Variants in CBX5 observed in about 807,000 individuals in gnomAD.
CBX5 encodes the protein chromobox 5, also known as chromobox protein homolog 5.
CBX5 carries 7 observed loss-of-function variants against 20.7 expected under a neutral mutation model. The observed-to-expected ratio is 0.34, with a 90% CI of 0.19 to 0.63. The LOEUF (loss-of-function observed/expected upper bound fraction) is 0.63, where lower values mean the gene tolerates loss of function less well. Ranked by LOEUF, CBX5 falls within the 30% of genes least tolerant of loss-of-function variation. The pLI is 0.75. For synonymous variants in CBX5, 78 were observed against 77.0 expected, an observed-to-expected ratio of 1.01 and a Z score of -0.07; for missense variants, 110 against 224.1, an observed-to-expected ratio of 0.49 and a Z score of 3.25.
rs569844476 is a variant in CBX5, at chr12:54,265,212, C to T, written c.-42-7520G>A. Among the ~76,000 whole-genome samples the T allele has an allele frequency of 2.0e-5, 3 of 152,278 alleles. No homozygotes were observed. In the South Asian group the frequency reaches 6.2e-4, roughly 32 times the overall value. ...AGCTACAGCACTGTCTTCAAAGCAT[C>T]CTCTATATAGCCTTATTGCAGCAAA... is the stretch of plus-strand genomic sequence containing the variant. On this transcript the variant is annotated intron_variant, in intron 1 of 4. Transcript: ENST00000209875.
At chr12:54,246,466 A>C (rs1053033317) in intron 3 of CBX5, among the ~76,000 whole-genome samples, 12 of 152,124 alleles carry the variant, frequency 7.9e-5, no homozygotes, top group African/African-American at 2.7e-4. Flanking sequence ...GGTGAACCCT[A>C]AAAGTCTCTA....
chr12:54,253,457 G>C (rs1464307769), intron 2 of CBX5, among the ~76,000 whole-genome samples: 1 of 152,022 alleles, frequency 6.6e-6, no homozygotes, highest in Non-Finnish European at 1.5e-5. Context: ...TGGGCGCAGT[G>C]ACTCACGCCT....
chr12:54,241,871 T>C lies in CBX5; in HGVS notation c.460A>G (p.Lys154Glu). ...TGTGGACATTTCACATTAGCTTCTT[T>C]TGCAAGAACCAGGTCAGCTTCATCT... ...DTDEADLVLAKEANVKCPQIV... is the reference protein window; with the variant it reads ...DTDEADLVLAEEANVKCPQIV... Residue 154 changes from lysine to glutamate, a missense_variant, in exon 5 of 5, where the codon AAA becomes GAA. Physicochemically the swap from Lys to Glu is moderately conservative, Grantham distance 56. Transcript: ENST00000209875. 1 of 1,613,792 alleles carries C rather than the reference T, an allele frequency of 6.2e-7. No individual in the cohort carries two copies.
At chr12:54,268,101 G>A (rs779369684) in intron 1 of CBX5, among the ~76,000 whole-genome samples, 1 of 152,080 alleles carries the variant, frequency 6.6e-6, no homozygotes, top group Non-Finnish European at 1.5e-5. Flanking sequence ...CCAAGATTGC[G>A]CCATTGCACT....
chr12:54,267,534 C>T (rs1943967394), intron 1 of CBX5, among the ~76,000 whole-genome samples: 1 of 149,950 alleles, frequency 6.7e-6, no homozygotes, highest in Non-Finnish European at 1.5e-5. Context: ...TTTTTTGAGA[C>T]GGAGTCTAGC....
intron 2 of CBX5, among the ~76,000 whole-genome samples, chr12:54,255,297 C>T (rs1378940689): frequency 6.6e-6 from 1 of 152,110 alleles, no homozygotes; most frequent in Non-Finnish European, 1.5e-5. Context: ...TGGTGGCTCA[C>T]GCCTGTAATC....
intron 3 of CBX5, among the ~76,000 whole-genome samples, chr12:54,250,534 G>A (rs1025163934): frequency 9.9e-5 from 15 of 151,964 alleles, no homozygotes; most frequent in South Asian, 2.1e-4. Flanking sequence ...GGCCGGGCGC[G>A]GTGGCTCACG....
chr12:54,275,124 T>C (rs17110109), intron 1 of CBX5, among the ~76,000 whole-genome samples: 75,836 of 152,028 alleles, frequency 0.5, 20,950 homozygotes, highest in African/African-American at 0.74. Context: ...TTTCCCCAAC[T>C]ATCATCCTGC....
chr12:54,279,839 C>T (rs1458916323), intron 1 of CBX5, among the ~76,000 whole-genome samples, 169 bp downstream of exon 1: 1 of 152,242 alleles, frequency 6.6e-6, no homozygotes, highest in Non-Finnish European at 1.5e-5. Context: ...TCCAAAGAAC[C>T]TACGGGGATT....
At position 54,231,768 on chromosome 12, in the gene CBX5, C is replaced by T. The variant is rs1383068946; in HGVS notation, c.*9987G>A. ...GTTGAATACGGTGAATGGGATGAAG[C>T]TTTAAGGATCAATGCCCAATTCTGA... On this transcript the variant is annotated 3_prime_UTR_variant, in exon 5 of 5. Transcript: ENST00000209875. 6.6e-6 allele frequency: 1 copy of T among 152,102 alleles called. No individual in the cohort carries two copies. Among genetic ancestry groups the T allele is most frequent in the African/African-American group, 2.4e-5 (1 of 41,382 alleles). 9.4% of individuals were successfully genotyped at this position (152,102 alleles called of 1,614,324 possible). A position where few individuals can be genotyped will look rare whatever the true frequency, so the allele number is the denominator to read the frequency against.
chr12:54,271,700 T>A (rs1010825012), intron 1 of CBX5: 8 of 152,248 alleles, frequency 5.3e-5, no homozygotes, highest in African/African-American at 1.9e-4. Context: ...GATTGTTATG[T>A]CCGCTTGATG....
chr12:54,247,404 G>A (rs1943747875), intron 3 of CBX5, among the ~76,000 whole-genome samples: 1 of 152,158 alleles, frequency 6.6e-6, no homozygotes, highest in Non-Finnish European at 1.5e-5. Flanking sequence ...ATGCACACTT[G>A]AAGTGTGCTA....
chr12:54,234,596 G>A lies in CBX5; in HGVS notation c.*7159C>T, dbSNP rs1943601214. Reference sequence around the variant, plus strand: ...CTCTTACCTAGGCTGTGATAATTAGGTTTTGATCTATTGTGACATTAATGA... The same window carrying A: ...CTCTTACCTAGGCTGTGATAATTAGATTTTGATCTATTGTGACATTAATGA... On this transcript the variant is annotated 3_prime_UTR_variant, in exon 5 of 5. Coordinates refer to ENST00000209875, the MANE Select transcript of CBX5 (RefSeq NM_012117.3). 6.6e-6 allele frequency: 1 copy of A among 152,170 alleles called. No individual in the cohort carries two copies. Among genetic ancestry groups the A allele is most frequent in the Non-Finnish European group, 1.5e-5 (1 of 68,036 alleles). The allele number at this position is 152,170 out of a possible 1,614,324, so 9.4% of individuals were successfully genotyped here.
At position 54,235,181 on chromosome 12, in the gene CBX5, G is replaced by A. The variant is rs2137004251; in HGVS notation, c.*6574C>T. On this transcript the variant is annotated 3_prime_UTR_variant, in exon 5 of 5. Coordinates refer to ENST00000209875, the MANE Select transcript of CBX5 (RefSeq NM_012117.3). ...TTTTCTTGTGGTCATCCATGGGTCA[G>A]AATCGACAACATCCTTACGATCAGA... is the stretch of plus-strand genomic sequence containing the variant. 6.6e-6 allele frequency: 1 copy of A among 152,306 alleles called. No homozygotes were observed. The highest frequency in any genetic ancestry group is 2.1e-4 in the South Asian group (1 of 4,830). 9.4% of individuals were successfully genotyped at this position (152,306 alleles called of 1,614,324 possible).
At chr12:54,270,589 G>A (rs1242890571) in intron 1 of CBX5, among the ~76,000 whole-genome samples, 2 of 152,202 alleles carry the variant, frequency 1.3e-5, no homozygotes, top group South Asian at 2.1e-4. Flanking sequence ...TAAAAGTTTT[G>A]ATATATCATC....
intron 1 of CBX5, among the ~76,000 whole-genome samples, chr12:54,261,348 G>C (rs551345669): frequency 6.6e-6 from 1 of 151,180 alleles, no homozygotes; most frequent in Non-Finnish European, 1.5e-5. Flanking sequence ...CCAGGCTAGA[G>C]TGCTGTGGCG....
At chr12:54,268,339 G>A (rs1943976971) in intron 1 of CBX5, among the ~76,000 whole-genome samples, 1 of 152,184 alleles carries the variant, frequency 6.6e-6, no homozygotes, top group South Asian at 2.1e-4. Context: ...TGACATTTAA[G>A]TTGAGTTACT....
chr12:54,275,885 G>A (rs1944059649), intron 1 of CBX5, among the ~76,000 whole-genome samples: 1 of 151,614 alleles, frequency 6.6e-6, no homozygotes, highest in African/African-American at 2.4e-5. Flanking sequence ...AGCTACTCAG[G>A]AGGCTGGAGC....
intron 2 of CBX5, among the ~76,000 whole-genome samples, chr12:54,255,236 G>C (rs1943850980): frequency 6.6e-6 from 1 of 152,080 alleles, no homozygotes; most frequent in Non-Finnish European, 1.5e-5. Context: ...AGACCAGCCT[G>C]GGTAACACAG....
Sources: gnomAD v4.1 joint callset for allele counts (sites outside exome capture counted in the v4.1 genomes callset) on GRCh38, gnomAD v4.1.1 for gene constraint, MANE v1.5 for transcripts, NCBI Gene and HGNC (gene_info 2026-07-23, HGNC 2026-07-21) for gene names.